WWOX: variants seen among roughly 807,000 people sequenced by gnomAD.
WWOX encodes WW domain containing oxidoreductase, also known as WW domain-containing oxidoreductase.
WWOX carries 69 observed loss-of-function variants against 46.2 expected under a neutral mutation model. The observed-to-expected ratio is 1.49, with a 90% CI of 1.23 to 1.82. The LOEUF is 1.82. Among genes scored for constraint, WWOX ranks in the 40% most tolerant of loss-of-function variants. The pLI is 0.00. For missense variants in WWOX, 919 were observed against 542.6 expected (o/e 1.69, Z -6.89); for synonymous variants, 359 against 202.6 (o/e 1.77, Z -6.56).
intron 8 of WWOX, among the ~76,000 whole-genome samples, chr16:78,865,739 G>C (rs1409596868): frequency 6.6e-6 from 1 of 152,180 alleles, no homozygotes; most frequent in Non-Finnish European, 1.5e-5. Context: ...AATTAGCCAT[G>C]CTTGGTGGCA....
At chr16:78,402,991 G>C (rs892371593) in intron 6 of WWOX, among the ~76,000 whole-genome samples, 1 of 152,144 alleles carries the variant, frequency 6.6e-6, no homozygotes, top group African/African-American at 2.4e-5. Context: ...GGATGTCAGA[G>C]TACATTAATT....
At chr16:78,366,586 G>T (rs1257441727) in intron 5 of WWOX, among the ~76,000 whole-genome samples, 2 of 152,168 alleles carry the variant, frequency 1.3e-5, no homozygotes, top group Admixed American at 6.5e-5. Flanking sequence ...TTCCTGCCCA[G>T]CACCTGGCTT....
At chr16:78,388,638 T>A (rs1597147413) in intron 6 of WWOX, among the ~76,000 whole-genome samples, 2 of 81,390 alleles carry the variant, frequency 2.5e-5, no homozygotes, top group Non-Finnish European at 2.1e-5. Context: ...AGATTGAGAC[T>A]CCGTCTCAAA....
intron 8 of WWOX, among the ~76,000 whole-genome samples, chr16:78,714,881 C>T (rs954131779): frequency 3.9e-5 from 6 of 152,130 alleles, no homozygotes; most frequent in African/African-American, 1.4e-4. Context: ...ATTGATAAGA[C>T]ATGGAATGAT....
chr16:78,999,751 G>A (rs772059998), intron 8 of WWOX, among the ~76,000 whole-genome samples: 2 of 152,156 alleles, frequency 1.3e-5, no homozygotes, highest in Admixed American at 6.5e-5. Context: ...AAAATTGCCT[G>A]TTAGGTGCCA....
intron 4 of WWOX, among the ~76,000 whole-genome samples, chr16:78,160,985 T>C (rs950177025): frequency 1.3e-5 from 2 of 152,194 alleles, no homozygotes; most frequent in African/African-American, 4.8e-5. Flanking sequence ...TTTAGAATTG[T>C]CATGTATTCT....
chr16:78,260,442 A>G (rs1017696917), intron 5 of WWOX, among the ~76,000 whole-genome samples: 4 of 151,574 alleles, frequency 2.6e-5, no homozygotes, highest in Non-Finnish European at 2.9e-5. Context: ...AGGCGGGCAG[A>G]TCACTTGAGG....
intron 5 of WWOX, among the ~76,000 whole-genome samples, chr16:78,251,739 G>A (rs1198571577): frequency 6.6e-6 from 1 of 152,190 alleles, no homozygotes; most frequent in Non-Finnish European, 1.5e-5. Flanking sequence ...GATTGGCATA[G>A]TACAGATGTA....
chr16:79,139,227 C>A (rs1374543728), intron 8 of WWOX, among the ~76,000 whole-genome samples: 1 of 152,234 alleles, frequency 6.6e-6, no homozygotes, highest in African/African-American at 2.4e-5. Context: ...AACCATTTTA[C>A]ACAATGCAGA....
At chr16:79,046,144 G>A (rs574308515) in intron 8 of WWOX, among the ~76,000 whole-genome samples, 3 of 152,138 alleles carry the variant, frequency 2.0e-5, no homozygotes, top group African/African-American at 7.2e-5. Context: ...ATCCTCCCTT[G>A]CAGGACTGTG....
At chr16:78,462,500 A>C (rs1348785021) in intron 8 of WWOX, among the ~76,000 whole-genome samples, 1 of 152,154 alleles carries the variant, frequency 6.6e-6, no homozygotes, top group African/African-American at 2.4e-5. Flanking sequence ...AAATTGTTGT[A>C]AGGTCAGGTA....
At chr16:79,181,358 C>G (rs948745536) in intron 8 of WWOX, among the ~76,000 whole-genome samples, 3 of 152,108 alleles carry the variant, frequency 2.0e-5, no homozygotes, top group Non-Finnish European at 4.4e-5. Flanking sequence ...CATTCCATTT[C>G]TTTTCAATTT....
chr16:78,816,466 C>G (rs2051332114), intron 8 of WWOX, among the ~76,000 whole-genome samples: 1 of 144,590 alleles, frequency 6.9e-6, no homozygotes, highest in African/African-American at 2.6e-5. Context: ...AAAATCCTGC[C>G]AATTACTGAA....
intron 8 of WWOX, among the ~76,000 whole-genome samples, chr16:78,730,378 T>C (rs1438961351): frequency 6.6e-6 from 1 of 152,086 alleles, no homozygotes; most frequent in Non-Finnish European, 1.5e-5. Flanking sequence ...CGTGCTGGGA[T>C]GTACCAGGCA....
intron 8 of WWOX, among the ~76,000 whole-genome samples, chr16:78,564,390 G>C (rs778588133): frequency 1.3e-5 from 2 of 152,190 alleles, no homozygotes; most frequent in Non-Finnish European, 2.9e-5. Flanking sequence ...GCCCTGGCTA[G>C]TGTTTTCTGT....
At chr16:78,705,927 C>A (rs1036606999) in intron 8 of WWOX, among the ~76,000 whole-genome samples, 6 of 152,162 alleles carry the variant, frequency 3.9e-5, no homozygotes, top group African/African-American at 1.4e-4. Context: ...TTTATTTACA[C>A]ACTAAGGAAT....
At chr16:78,486,076 T>A (rs900744079) in intron 8 of WWOX, among the ~76,000 whole-genome samples, 29 of 152,362 alleles carry the variant, frequency 1.9e-4, no homozygotes, top group Non-Finnish European at 4.0e-4. Flanking sequence ...GTTACCATAT[T>A]CCTGGTGTCT....
chr16:78,882,125 A>G (rs1322639535), intron 8 of WWOX, among the ~76,000 whole-genome samples: 1 of 152,170 alleles, frequency 6.6e-6, no homozygotes. Flanking sequence ...GAGTCCATTT[A>G]CAAAACAAAA....
intron 8 of WWOX, among the ~76,000 whole-genome samples, chr16:78,692,663 G>A (rs1371590720): frequency 6.6e-6 from 1 of 152,164 alleles, no homozygotes; most frequent in Non-Finnish European, 1.5e-5. Flanking sequence ...TGAAGGACTA[G>A]GGTCACCAGT....
Sources: allele counts gnomAD v4.1 joint callset (sites outside exome capture counted in the v4.1 genomes callset), GRCh38; gene constraint gnomAD v4.1.1; transcripts MANE v1.5; gene names NCBI Gene and HGNC (gene_info 2026-07-23, HGNC 2026-07-21).